APOC1: variants seen among roughly 807,000 people sequenced by gnomAD.
APOC1 encodes the protein apolipoprotein C1.
Under a neutral mutation model 6.7 loss-of-function variants are expected in APOC1, and 4 were observed. The observed-to-expected ratio is 0.60, with a 90% CI of 0.29 to 1.37. The LOEUF (loss-of-function observed/expected upper bound fraction) is 1.37, where lower values mean the gene tolerates loss of function less well. Among genes scored for constraint, APOC1 ranks in the 40% most tolerant of loss-of-function variants. The pLI is 0.09. For synonymous variants in APOC1, 33 were observed against 40.6 expected, an observed-to-expected ratio of 0.81 and a Z score of 0.72; for missense variants, 122 against 99.4, an observed-to-expected ratio of 1.23 and a Z score of -0.97.
chr19:44,916,536 G>C, intron 3 of APOC1: 1 of 655,842 alleles, frequency 1.5e-6, no homozygotes, highest in South Asian at 2.2e-5. Context: ...GATGGTCTTG[G>C]GCTGGGCACG....
At chr19:44,917,652 G>A (rs1970032998) in intron 3 of APOC1, among the ~76,000 whole-genome samples, 1 of 151,010 alleles carries the variant, frequency 6.6e-6, no homozygotes, top group African/African-American at 2.4e-5. Flanking sequence ...AGGGAGGGAG[G>A]GAGGGAAAAT....
intron 3 of APOC1, among the ~76,000 whole-genome samples, chr19:44,918,249 C>T (rs1294601259): frequency 6.8e-6 from 1 of 146,442 alleles, no homozygotes; most frequent in Non-Finnish European, 1.5e-5. Context: ...GTCCAGGTGA[C>T]AGAGCGAAAC....
intron 2 of APOC1, 41 bp from the exon 3 acceptor site, chr19:44,916,149 A>AAAAAAAAAAAC: frequency 1.3e-6 from 2 of 1,513,740 alleles, no homozygotes; most frequent in African/African-American, 1.5e-5. Context: ...AAAAAAAAAA[A>AAAAAAAAAAAC]AAAAAAACAA....
intron 3 of APOC1, chr19:44,918,962 G>A (rs994362797): frequency 4.9e-6 from 3 of 609,812 alleles, no homozygotes; most frequent in Non-Finnish European, 8.7e-6. Flanking sequence ...CCAGCCAAGG[G>A]TAAAGTGTTT....
upstream of APOC1, chr19:44,914,381 C>CTTCG (rs11568822): frequency 0.22 from 34,559 of 154,660 alleles, 4,113 homozygotes; most frequent in African/African-American, 0.29. Flanking sequence ...AAACCCCTTC[C>CTTCG]TTAACTCAGC....
At chr19:44,916,609 G>C in intron 3 of APOC1, 1 of 529,752 alleles carries the variant, frequency 1.9e-6, no homozygotes, top group South Asian at 2.8e-5. Context: ...CCTGAGGTCA[G>C]GAGTTCGAGA....
At chr19:44,914,800 G>T in intron 1 of APOC1, 67 bp downstream of exon 1, 1 of 1,317,320 alleles carries the variant, frequency 7.6e-7, no homozygotes, top group East Asian at 2.4e-5. Flanking sequence ...AGGGAGATGA[G>T]GGGATCGTGG....
At position 44,914,745 on chromosome 19, in the gene APOC1, G is replaced by C; in HGVS notation, c.-21+12G>C. The C allele has an allele frequency of 1.3e-6, 1 of 759,432 alleles. No individual in the cohort carries two copies. 47.0% of individuals were successfully genotyped at this position (759,432 alleles called of 1,614,324 possible). ...CAGCAAGGATTCAGGTTGGTGCTGA[G>C]TGCCTGGGAGGGACACCCGCCTACA... On this transcript the variant is annotated intron_variant, in intron 1 of 3. Transcript: ENST00000592535.
intron 3 of APOC1, among the ~76,000 whole-genome samples, chr19:44,918,065 C>T (rs1032544111): frequency 2.0e-5 from 3 of 151,888 alleles, no homozygotes; most frequent in South Asian, 2.1e-4. Context: ...GTCAGGAGTT[C>T]GAGACTAGCC....
At chr19:44,914,341 A>C (rs1358576354), upstream of APOC1, 1 of 153,448 alleles carries the variant, frequency 6.5e-6, no homozygotes, top group Non-Finnish European at 1.5e-5. Flanking sequence ...GGCTCTTGAG[A>C]CAGGAATCTT....
intron 3 of APOC1, among the ~76,000 whole-genome samples, chr19:44,917,157 C>T (rs559574042): frequency 1.6e-3 from 247 of 152,274 alleles, no homozygotes; most frequent in Non-Finnish European, 2.9e-3. Context: ...AGCAGGCCTA[C>T]AGGGTGTCTG....
chr19:44,914,975 G>A (rs1267755741), intron 2 of APOC1, 26 bp downstream of exon 2: 1 of 1,591,754 alleles, frequency 6.3e-7, no homozygotes, highest in African/African-American at 1.3e-5. Flanking sequence ...GAGAATTGCG[G>A]AGTTGGAGAT....
At chr19:44,918,826 T>C (rs1226735535) in intron 3 of APOC1, 2 of 254,614 alleles carry the variant, frequency 7.9e-6, no homozygotes, top group Non-Finnish European at 1.5e-5. Context: ...CACATGGTAT[T>C]TTTTGTATTT....
At chr19:44,915,460 G>A (rs1290146412) in intron 2 of APOC1, among the ~76,000 whole-genome samples, 1 of 151,238 alleles carries the variant, frequency 6.6e-6, no homozygotes, top group Non-Finnish European at 1.5e-5. Flanking sequence ...ACAGGCGCCC[G>A]CCACCGCGCC....
At chr19:44,917,511 T>G (rs971980490) in intron 3 of APOC1, among the ~76,000 whole-genome samples, 1 of 151,780 alleles carries the variant, frequency 6.6e-6, no homozygotes, top group Non-Finnish European at 1.5e-5. Context: ...CCAGGAGATC[T>G]AGGCTGCAGT....
chr19:44,916,286 T>C lies in APOC1; in HGVS notation c.155T>C (p.Ile52Thr). Residue 52 changes from isoleucine to threonine, a missense_variant, in exon 3 of 4, where the codon ATC becomes ACC. Coordinates refer to ENST00000592535, the MANE Select transcript of APOC1 (RefSeq NM_001645.5). ...NTLEDKAREL[I>T]SRIKQSELSA... ...CTGGAGGACAAGGCTCGGGAACTCA[T>C]CAGCCGCATCAAACAGAGTGAACTT... 2 of 1,613,816 alleles carry C rather than the reference T, an allele frequency of 1.2e-6. No homozygotes were observed. The highest frequency in any genetic ancestry group is 1.7e-6 in the Non-Finnish European group (2 of 1,179,964).
chr19:44,917,161 G>A (rs903467332), intron 3 of APOC1, among the ~76,000 whole-genome samples: 1 of 152,140 alleles, frequency 6.6e-6, no homozygotes, highest in African/African-American at 2.4e-5. Flanking sequence ...GGCCTACAGG[G>A]TGTCTGGTAC....
chr19:44,916,615 C>A (rs1448069418), intron 3 of APOC1: 1 of 522,548 alleles, frequency 1.9e-6, no homozygotes, highest in Non-Finnish European at 3.3e-6. Flanking sequence ...GTCAGGAGTT[C>A]GAGACCAGTC....
At position 44,914,630 on chromosome 19, in the gene APOC1, G is replaced by A; in HGVS notation, c.-124G>A. On this transcript the variant is annotated 5_prime_UTR_variant, in exon 1 of 4. Coordinates refer to ENST00000592535, the MANE Select transcript of APOC1 (RefSeq NM_001645.5). ...GGCAGGCGGTCAGGGGAAGGCTCAG[G>A]AGGAGGGAGATCAACATCAACCTGC... 1 of 516,904 alleles carries A rather than the reference G, an allele frequency of 1.9e-6. No homozygotes were observed. 32.0% of individuals were successfully genotyped at this position (516,904 alleles called of 1,614,324 possible).
Sources: allele counts gnomAD v4.1 joint callset (sites outside exome capture counted in the v4.1 genomes callset), GRCh38; gene constraint gnomAD v4.1.1; transcripts MANE v1.5; gene names NCBI Gene and HGNC (gene_info 2026-07-23, HGNC 2026-07-21).